The following MRPL1 variants were observed in gnomAD, a reference collection of about 807,000 sequenced individuals.
MRPL1 encodes the protein mitochondrial ribosomal protein L1, also known as large ribosomal subunit protein uL1m.
MRPL1 carries 28 observed loss-of-function variants against 38.0 expected under a neutral mutation model. That is an observed-to-expected ratio of 0.74 (90% CI 0.55 to 1.01). MRPL1 has a LOEUF of 1.01. Among genes scored for constraint, MRPL1 ranks in the 50% least tolerant of loss-of-function variants. The probability of loss-of-function intolerance (pLI) is 0.00; values close to 1 mark genes in which losing one functional copy is unlikely to be tolerated. For synonymous variants in MRPL1, 123 were observed against 126.7 expected, an observed-to-expected ratio of 0.97 and a Z score of 0.20; for missense variants, 358 against 389.8, an observed-to-expected ratio of 0.92 and a Z score of 0.69.
At chr4:77,940,969 C>G (rs1039732689) in intron 7 of MRPL1, among the ~76,000 whole-genome samples, 1 of 152,068 alleles carries the variant, frequency 6.6e-6, no homozygotes, top group Non-Finnish European at 1.5e-5. Flanking sequence ...ATTTTTGCAT[C>G]TATAGGCTGG....
chr4:77,949,673 C>T, intron 7 of MRPL1, 124 bp from the exon 8 acceptor site: 3 of 548,710 alleles, frequency 5.5e-6, no homozygotes, highest in South Asian at 3.2e-5. Context: ...GAGGTTTTCC[C>T]CTTTCACAGT....
At chr4:77,901,551 A>T (rs1736036333) in intron 6 of MRPL1, among the ~76,000 whole-genome samples, 1 of 152,044 alleles carries the variant, frequency 6.6e-6, no homozygotes, top group African/African-American at 2.4e-5. Context: ...AAAATGGTGG[A>T]TAAAAATATA....
chr4:77,866,901 C>G (rs1399253777), intron 1 of MRPL1, among the ~76,000 whole-genome samples: 1 of 152,178 alleles, frequency 6.6e-6, no homozygotes, highest in South Asian at 2.1e-4. Context: ...GCGCCTGTCA[C>G]AACGGCCAGC....
At chr4:77,921,110 A>G (rs1736561965) in intron 7 of MRPL1, among the ~76,000 whole-genome samples, 1 of 152,184 alleles carries the variant, frequency 6.6e-6, no homozygotes, top group Admixed American at 6.5e-5. Flanking sequence ...ATCTAGTAAA[A>G]GTTAAAAAAC....
chr4:77,875,088 C>T (rs1735363339), intron 2 of MRPL1, among the ~76,000 whole-genome samples: 3 of 151,746 alleles, frequency 2.0e-5, no homozygotes, highest in Admixed American at 6.6e-5. Context: ...ATGCCTGGCC[C>T]GTTTATGTTT....
At chr4:77,925,354 T>G (rs574018161) in intron 7 of MRPL1, among the ~76,000 whole-genome samples, 11 of 148,286 alleles carry the variant, frequency 7.4e-5, no homozygotes, top group Admixed American at 6.7e-4. Context: ...TTGTTTTTTG[T>G]TTTTTTTTCT....
intron 7 of MRPL1, among the ~76,000 whole-genome samples, chr4:77,911,670 T>C (rs185315180): frequency 6.6e-6 from 1 of 152,204 alleles, no homozygotes; most frequent in East Asian, 1.9e-4. Flanking sequence ...TAGGAAGGAA[T>C]AGATGAGATA....
intron 5 of MRPL1, among the ~76,000 whole-genome samples, chr4:77,893,657 G>C (rs577964406): frequency 6.6e-6 from 1 of 152,096 alleles, no homozygotes; most frequent in Admixed American, 6.6e-5. Context: ...TTCAGTTTCA[G>C]TTCTTTGTGA....
chr4:77,947,396 A>G (rs1043680155), intron 7 of MRPL1, among the ~76,000 whole-genome samples: 1 of 152,234 alleles, frequency 6.6e-6, no homozygotes, highest in Non-Finnish European at 1.5e-5. Context: ...ACACATATGC[A>G]CAGGCACAAA....
intron 7 of MRPL1, among the ~76,000 whole-genome samples, chr4:77,917,525 G>T (rs1429136945): frequency 6.6e-6 from 1 of 151,758 alleles, no homozygotes; most frequent in African/African-American, 2.4e-5. Flanking sequence ...TTTATTTTCT[G>T]ATCAGGTAAA....
At chr4:77,903,725 C>T (rs906508898) in intron 6 of MRPL1, among the ~76,000 whole-genome samples, 9 of 152,150 alleles carry the variant, frequency 5.9e-5, no homozygotes, top group Middle Eastern at 3.4e-3. Flanking sequence ...GGAAATTTAA[C>T]GGAAGCTGTG....
intron 7 of MRPL1, among the ~76,000 whole-genome samples, chr4:77,916,079 C>A (rs1736417239): frequency 6.6e-6 from 1 of 152,084 alleles, no homozygotes; most frequent in African/African-American, 2.4e-5. Flanking sequence ...CTTTCCATGA[C>A]ATAGAAATGA....
chr4:77,948,286 A>G (rs1737320358), intron 7 of MRPL1, among the ~76,000 whole-genome samples: 1 of 152,192 alleles, frequency 6.6e-6, no homozygotes, highest in Non-Finnish European at 1.5e-5. Context: ...GAGGTAAAGT[A>G]GAGAATTAAG....
intron 1 of MRPL1, among the ~76,000 whole-genome samples, chr4:77,865,231 C>T (rs1485719751): frequency 2.6e-5 from 4 of 152,158 alleles, no homozygotes; most frequent in South Asian, 2.1e-4. Context: ...TTTATATCTA[C>T]AGTTGGGATC....
At chr4:77,942,221 G>A (rs191401045) in intron 7 of MRPL1, among the ~76,000 whole-genome samples, 1 of 152,256 alleles carries the variant, frequency 6.6e-6, no homozygotes, top group East Asian at 1.9e-4. Context: ...ACTGTGGTCT[G>A]AGACAGTACT....
intron 5 of MRPL1, among the ~76,000 whole-genome samples, chr4:77,890,140 A>G (rs183757658): frequency 0.02 from 3,056 of 152,354 alleles, 96 homozygotes; most frequent in African/African-American, 0.07. Context: ...TGAGGCCAGC[A>G]TCATCCTGAT....
chr4:77,881,055 A>G (rs1183894169), intron 2 of MRPL1, among the ~76,000 whole-genome samples: 1 of 152,378 alleles, frequency 6.6e-6, no homozygotes, highest in African/African-American at 2.4e-5. Context: ...AAGTAGAAAC[A>G]TGTGAAACTT....
At chr4:77,943,210 A>C (rs747041319) in intron 7 of MRPL1, among the ~76,000 whole-genome samples, 4 of 152,006 alleles carry the variant, frequency 2.6e-5, no homozygotes, top group Non-Finnish European at 5.9e-5. Context: ...TGGGGCCCTA[A>C]TCCCTTCTAG....
chr4:77,937,007 C>T (rs1032753987), intron 7 of MRPL1, among the ~76,000 whole-genome samples: 2 of 152,004 alleles, frequency 1.3e-5, no homozygotes, highest in African/African-American at 4.8e-5. Flanking sequence ...TGCCTGTGGT[C>T]CTGGCTACTT....
Sources: allele counts gnomAD v4.1 joint callset (sites outside exome capture counted in the v4.1 genomes callset), GRCh38; gene constraint gnomAD v4.1.1; transcripts MANE v1.5; gene names NCBI Gene and HGNC (gene_info 2026-07-23, HGNC 2026-07-21).